DENND5B: variants seen among roughly 807,000 people sequenced by gnomAD.
The protein encoded by DENND5B is DENN domain containing 5B.
A neutral mutation model predicts 140.6 loss-of-function variants in DENND5B; 34 were observed. The observed-to-expected ratio is 0.24, with a 90% CI of 0.18 to 0.32. The LOEUF is 0.32. Ranked by LOEUF, DENND5B falls within the 10% of genes least tolerant of loss-of-function variation. DENND5B has a pLI of 1.00. For synonymous variants in DENND5B, 551 were observed against 562.1 expected (o/e 0.98, Z 0.28); for missense variants, 1,142 against 1,560.2 (o/e 0.73, Z 4.52).
intron 1 of DENND5B, among the ~76,000 whole-genome samples, chr12:31,583,458 C>T (rs1208305583): frequency 6.6e-6 from 1 of 151,826 alleles, no homozygotes; most frequent in Non-Finnish European, 1.5e-5. Context: ...AGGAGGATCA[C>T]CTGAGGTCAG....
In DENND5B at chr12:31,591,111, C is replaced by G. The variant is rs1950605553; in HGVS notation, c.-279G>C. 5 of 153,906 alleles carry G rather than the reference C, an allele frequency of 3.2e-5. No individual in the cohort carries two copies. The Admixed American group carries it at 3.3e-4, about 10-fold the overall frequency. The allele number at this position is 153,906 out of a possible 1,614,324, so 9.5% of individuals were successfully genotyped here. Reference sequence around the variant, plus strand: ...AGAGGCCCTCGCAGCCGCAGCTGCGCTCGCGAGCTGAGAGCCGCCGCGTCT... The same window carrying G: ...AGAGGCCCTCGCAGCCGCAGCTGCGGTCGCGAGCTGAGAGCCGCCGCGTCT... On this transcript the variant is annotated 5_prime_UTR_variant, in exon 1 of 21. Coordinates refer to ENST00000389082, the MANE Select transcript of DENND5B (RefSeq NM_144973.4).
At chr12:31,456,654 A>C (rs747398757) in intron 4 of DENND5B, among the ~76,000 whole-genome samples, 3 of 152,200 alleles carry the variant, frequency 2.0e-5, no homozygotes, top group South Asian at 2.1e-4. Flanking sequence ...GGGAACCCTA[A>C]AACTGTAGGC....
intron 1 of DENND5B, among the ~76,000 whole-genome samples, chr12:31,525,111 A>C (rs1425270455): frequency 1.3e-5 from 2 of 152,230 alleles, no homozygotes; most frequent in Non-Finnish European, 2.9e-5. Flanking sequence ...AAGAAATTGG[A>C]ACCCTCATCC....
intron 1 of DENND5B, among the ~76,000 whole-genome samples, chr12:31,511,171 C>G (rs965882412): frequency 1.3e-5 from 2 of 152,076 alleles, no homozygotes; most frequent in African/African-American, 2.4e-5. Flanking sequence ...CCCTGGAGTT[C>G]CAGACTGCAA....
At chr12:31,569,060 CTTT>C (rs1234009016) in intron 1 of DENND5B, among the ~76,000 whole-genome samples, 1 of 93,148 alleles carries the variant, frequency 1.1e-5, no homozygotes, top group African/African-American at 5.0e-5. Context: ...AGCAACATAC[CTTT>C]TTTTTTTTTT....
chr12:31,533,392 C>T (rs1434585565), intron 1 of DENND5B, among the ~76,000 whole-genome samples: 1 of 152,024 alleles, frequency 6.6e-6, no homozygotes. Flanking sequence ...GTTGTTAAAA[C>T]TTATACTTTA....
chr12:31,515,451 C>T (rs1337031929), intron 1 of DENND5B, among the ~76,000 whole-genome samples: 1 of 152,146 alleles, frequency 6.6e-6, no homozygotes, highest in Non-Finnish European at 1.5e-5. Context: ...AGGGAAACTA[C>T]ATTATTAATT....
chr12:31,442,238 A>G (rs1473876693), intron 7 of DENND5B, among the ~76,000 whole-genome samples: 1 of 152,168 alleles, frequency 6.6e-6, no homozygotes, highest in Non-Finnish European at 1.5e-5. Flanking sequence ...CTGGTGTGAC[A>G]GGCTGTTGCT....
chr12:31,576,116 G>A (rs533950616), intron 1 of DENND5B, among the ~76,000 whole-genome samples: 29 of 145,372 alleles, frequency 2.0e-4, no homozygotes, highest in South Asian at 1.1e-3. Context: ...ACTCCAGCCC[G>A]TGTGACAGAG....
At chr12:31,459,013 C>G (rs2682679) in intron 4 of DENND5B, among the ~76,000 whole-genome samples, 122,378 of 151,918 alleles carry the variant, frequency 0.81, 49,679 homozygotes, top group African/African-American at 0.89. Context: ...GGGAGTTTGA[C>G]ACCAGCCTGA....
At chr12:31,486,697 A>C (rs922733163) in intron 2 of DENND5B, among the ~76,000 whole-genome samples, 2 of 152,218 alleles carry the variant, frequency 1.3e-5, no homozygotes, top group African/African-American at 4.8e-5. Flanking sequence ...AGGCGGATGG[A>C]TTGTCATGCA....
At position 31,582,995 on chromosome 12, in the gene DENND5B, G is replaced by A. The variant is rs567614533; in HGVS notation, c.127+7711C>T. 4.6e-5 allele frequency among the ~76,000 whole-genome samples: 7 copies of A among 152,294 alleles called. No individual in the cohort carries two copies. The South Asian group carries it at 1.4e-3, about 32-fold the overall frequency. Reference sequence around the variant, plus strand: ...TTCTCTAGACTCAGTTTCCTCCTGTGTACAAAAGAGAAAACAGGCCAGGCG... The same window carrying A: ...TTCTCTAGACTCAGTTTCCTCCTGTATACAAAAGAGAAAACAGGCCAGGCG... On this transcript the variant is annotated intron_variant, in intron 1 of 20. Coordinates refer to ENST00000389082, the MANE Select transcript of DENND5B (RefSeq NM_144973.4).
intron 15 of DENND5B, among the ~76,000 whole-genome samples, chr12:31,400,493 A>T (rs944801624): frequency 1.3e-5 from 2 of 152,256 alleles, no homozygotes; most frequent in African/African-American, 4.8e-5. Context: ...AAATCTGATA[A>T]TGAAAAGATC....
intron 16 of DENND5B, among the ~76,000 whole-genome samples, 170 bp from the exon 17 acceptor site, chr12:31,398,532 C>A (rs1941609675): frequency 6.6e-6 from 1 of 151,980 alleles, no homozygotes; most frequent in African/African-American, 2.4e-5. Flanking sequence ...GAACTCTTGG[C>A]CTCAAGTGAT....
chr12:31,574,030 GAAGAACCATTTGAGGC>G (rs1018166491), intron 1 of DENND5B, among the ~76,000 whole-genome samples: 5 of 151,740 alleles, frequency 3.3e-5, no homozygotes, highest in Admixed American at 6.6e-5. Flanking sequence ...GGCCAAGGTG[GAAGAACCATTTGAGGC>G]AAGGACCATT....
chr12:31,472,931 T>C (rs1385539548), intron 3 of DENND5B, among the ~76,000 whole-genome samples: 2 of 150,958 alleles, frequency 1.3e-5, no homozygotes, highest in African/African-American at 4.9e-5. Flanking sequence ...CACCAAAATC[T>C]TCTAGTGAAG....
chr12:31,516,701 C>T (rs901120248), intron 1 of DENND5B, among the ~76,000 whole-genome samples: 1 of 152,136 alleles, frequency 6.6e-6, no homozygotes, highest in East Asian at 1.9e-4. Context: ...ACCATCTGAT[C>T]TATATATTAT....
At chr12:31,522,819 C>T (rs1323743381) in intron 1 of DENND5B, among the ~76,000 whole-genome samples, 3 of 152,188 alleles carry the variant, frequency 2.0e-5, no homozygotes, top group Non-Finnish European at 4.4e-5. Context: ...ATGACAAAAA[C>T]ATCTAAATAC....
intron 8 of DENND5B, among the ~76,000 whole-genome samples, chr12:31,430,464 C>G (rs1397193235): frequency 8.3e-6 from 1 of 120,398 alleles, no homozygotes; most frequent in Non-Finnish European, 1.6e-5. Flanking sequence ...CCATCCTGGC[C>G]AACATGGTGA....
Sources: gnomAD v4.1 joint callset for allele counts (sites outside exome capture counted in the v4.1 genomes callset) on GRCh38, gnomAD v4.1.1 for gene constraint, MANE v1.5 for transcripts, NCBI Gene and HGNC (gene_info 2026-07-23, HGNC 2026-07-21) for gene names.